The following MYOCD variants were observed in gnomAD, a reference collection of about 807,000 sequenced individuals.
MYOCD encodes myocardin.
A neutral mutation model predicts 96.1 loss-of-function variants in MYOCD; 32 were observed. That is an observed-to-expected ratio of 0.33 (90% confidence interval 0.25 to 0.45). The LOEUF (loss-of-function observed/expected upper bound fraction) is 0.45. MYOCD is among the 20% of genes least tolerant of loss of function. The pLI, the probability that MYOCD is intolerant of heterozygous loss-of-function variation, is 1.00. For synonymous variants in MYOCD, 469 were observed against 469.0 expected, an observed-to-expected ratio of 1.00 and a Z score of 0.00; for missense variants, 1,133 against 1,200.6, an observed-to-expected ratio of 0.94 and a Z score of 0.83.
chr17:12,733,239 G>A (rs2032231310), intron 5 of MYOCD, among the ~76,000 whole-genome samples: 1 of 151,770 alleles, frequency 6.6e-6, no homozygotes, highest in Non-Finnish European at 1.5e-5. Flanking sequence ...GAACCCGGGA[G>A]GTGGAGGTTG....
intron 4 of MYOCD, among the ~76,000 whole-genome samples, chr17:12,717,954 G>A (rs1316427106): frequency 6.6e-6 from 1 of 152,106 alleles, no homozygotes; most frequent in Non-Finnish European, 1.5e-5. Context: ...CAACTAACTG[G>A]TCCCCATATT....
At chr17:12,676,896 A>G (rs778675879) in intron 1 of MYOCD, among the ~76,000 whole-genome samples, 2 of 152,110 alleles carry the variant, frequency 1.3e-5, no homozygotes, top group African/African-American at 4.8e-5. Flanking sequence ...CTACTTTTCT[A>G]TGTGTAAATG....
rs1170178286 is a variant in MYOCD at position 12,666,042 on chromosome 17, G to A, written c.-147G>A. 4 of 590,708 alleles carry A rather than the reference G, an allele frequency of 6.8e-6. No homozygotes were observed. Among genetic ancestry groups the A allele is most frequent in the Non-Finnish European group, 3.0e-6 (1 of 330,934 alleles). 36.6% of individuals were successfully genotyped at this position (590,708 alleles called of 1,614,324 possible). ...CGCCAGTTTTCTGGGGACACTGGCT[G>A]CCACTGTACTCCTACCCAGGGGAGC... On this transcript the variant is annotated 5_prime_UTR_variant, in exon 1 of 14. Coordinates refer to ENST00000425538, the MANE Select transcript of MYOCD (RefSeq NM_001146312.3).
At chr17:12,713,759 AAC>A (rs2031552282) in intron 2 of MYOCD, among the ~76,000 whole-genome samples, 2 of 152,192 alleles carry the variant, frequency 1.3e-5, no homozygotes, top group South Asian at 4.1e-4. Flanking sequence ...CCTGCGATCA[AAC>A]ACAGGAAAAG....
At chr17:12,668,374 A>G (rs1305502021) in intron 1 of MYOCD, among the ~76,000 whole-genome samples, 6 of 152,228 alleles carry the variant, frequency 3.9e-5, no homozygotes, top group African/African-American at 1.2e-4. Context: ...CATTAAACAT[A>G]TTTCAAAAAA....
At chr17:12,743,062 C>T (rs2150709928) in intron 7 of MYOCD, among the ~76,000 whole-genome samples, 1 of 152,250 alleles carries the variant, frequency 6.6e-6, no homozygotes, top group African/African-American at 2.4e-5. Context: ...TTTTCTCCAA[C>T]TTGCAGGTGA....
At chr17:12,732,156 G>A (rs1315348895) in intron 5 of MYOCD, among the ~76,000 whole-genome samples, 1 of 152,088 alleles carries the variant, frequency 6.6e-6, no homozygotes, top group Non-Finnish European at 1.5e-5. Context: ...ACCCGTACGC[G>A]GGATGTAGTT....
chr17:12,717,691 C>T lies in MYOCD; in HGVS notation c.253+270C>T, dbSNP rs570974150. ...AAGGCCTGGGCAAATCACATAACTT[C>T]TAGGAGTGCATGGAACACGTCCAAC... is the stretch of plus-strand genomic sequence containing the variant. On this transcript the variant is annotated intron_variant, in intron 4 of 13. Transcript: ENST00000425538. Among the ~76,000 whole-genome samples the T allele has an allele frequency of 7.9e-5, 12 of 152,322 alleles. 1 individual carries two copies. The South Asian group carries it at 1.9e-3, about 24-fold the overall frequency.
intron 12 of MYOCD, among the ~76,000 whole-genome samples, chr17:12,759,186 G>C (rs944370331): frequency 1.3e-5 from 2 of 152,154 alleles, no homozygotes; most frequent in African/African-American, 4.8e-5. Context: ...CTACATATGG[G>C]TATCCCACAG....
At chr17:12,688,126 A>T (rs77864178) in intron 1 of MYOCD, among the ~76,000 whole-genome samples, 5,530 of 152,334 alleles carry the variant, frequency 0.036, 182 homozygotes, top group Admixed American at 0.093. Flanking sequence ...TTAGGACAAC[A>T]GTGTTGCTGA....
intron 5 of MYOCD, among the ~76,000 whole-genome samples, chr17:12,728,968 AT>A (rs1313031533): frequency 3.3e-5 from 5 of 152,166 alleles, no homozygotes; most frequent in Non-Finnish European, 7.3e-5. Flanking sequence ...CTGCTCACCA[AT>A]GTGCCCCACG....
intron 9 of MYOCD, among the ~76,000 whole-genome samples, chr17:12,749,106 TC>T (rs1229677533): frequency 6.6e-6 from 1 of 152,246 alleles, no homozygotes; most frequent in Non-Finnish European, 1.5e-5. Context: ...TCTTAACACA[TC>T]GTGAACATTT....
At chr17:12,735,344 G>A (rs78460157) in intron 5 of MYOCD, among the ~76,000 whole-genome samples, 82,942 of 151,486 alleles carry the variant, frequency 0.55, 22,749 homozygotes, top group East Asian at 0.69. Flanking sequence ...AAATAAAAAT[G>A]TAAGGATGTC....
chr17:12,672,379 C>T (rs1024607902), intron 1 of MYOCD, among the ~76,000 whole-genome samples: 1 of 152,066 alleles, frequency 6.6e-6, no homozygotes, highest in Non-Finnish European at 1.5e-5. Context: ...AGCCTTACGA[C>T]GTTAGTACTT....
rs1321220190 is a variant in MYOCD at position 12,753,098 on chromosome 17, G to C, written c.1810G>C (p.Ala604Pro). The change falls in exon 10 of 14, where the codon GCT (alanine) becomes CCT (proline). Residue 604 changes from alanine to proline, a missense_variant. Transcript: ENST00000425538. ...SECHPPACEA[A>P]QLQPLGNAHC... is the part of the protein sequence containing the mutation. ...GTGTCACCCACCGGCTTGTGAAGCTGCTCAACTCCAGCCTCTTGGAAATGC... is the reference window on the plus strand; with the variant it reads ...GTGTCACCCACCGGCTTGTGAAGCTCCTCAACTCCAGCCTCTTGGAAATGC... The C allele has an allele frequency of 1.2e-6, 2 of 1,614,178 alleles. No homozygotes were observed. Among genetic ancestry groups the C allele is most frequent in the African/African-American group, 2.7e-5 (2 of 75,036 alleles).
intron 9 of MYOCD, among the ~76,000 whole-genome samples, chr17:12,751,018 G>T (rs1340459224): frequency 2.0e-5 from 3 of 151,964 alleles, no homozygotes; most frequent in Non-Finnish European, 4.4e-5. Context: ...GCGCTTTGTA[G>T]TTTCTTGACT....
At chr17:12,666,788 T>G (rs1413342185) in intron 1 of MYOCD, among the ~76,000 whole-genome samples, 1 of 152,110 alleles carries the variant, frequency 6.6e-6, no homozygotes, top group Admixed American at 6.5e-5. Flanking sequence ...CCACAAATAT[T>G]TTTTCCCAAA....
At chr17:12,710,541 A>G in intron 2 of MYOCD, 1 of 983,902 alleles carries the variant, frequency 1.0e-6, no homozygotes, top group Non-Finnish European at 1.2e-6. Context: ...AAACCTTGGT[A>G]AATCCCTGAA....
intron 8 of MYOCD, among the ~76,000 whole-genome samples, chr17:12,745,555 G>A (rs1396487722): frequency 6.6e-6 from 1 of 152,142 alleles, no homozygotes; most frequent in Non-Finnish European, 1.5e-5. Flanking sequence ...AAGTTGAGAT[G>A]TAGATTCCTC....
Sources: allele counts gnomAD v4.1 joint callset (sites outside exome capture counted in the v4.1 genomes callset), GRCh38; gene constraint gnomAD v4.1.1; transcripts MANE v1.5; gene names NCBI Gene and HGNC (gene_info 2026-07-23, HGNC 2026-07-21).